Variants in ITIH6 observed in about 807,000 individuals in gnomAD.
ITIH6 encodes inter-alpha-trypsin inhibitor heavy chain H6.
In ITIH6, 60 loss-of-function variants were observed where a neutral mutation model predicts 58.2. The ratio of observed to expected loss-of-function variants is 1.03; its 90% CI spans 0.84 to 1.28. The LOEUF (loss-of-function observed/expected upper bound fraction) is 1.28, where lower values mean the gene tolerates loss of function less well. Among genes scored for constraint, ITIH6 ranks in the 50% most tolerant of loss-of-function variants. ITIH6 has a pLI of 0.00. For synonymous variants in ITIH6, 493 were observed against 417.4 expected, an observed-to-expected ratio of 1.18 and a Z score of -2.21; for missense variants, 1,290 against 1,021.1, an observed-to-expected ratio of 1.26 and a Z score of -3.59.
At chrX:54,764,350 C>G (rs964774911) in intron 6 of ITIH6, among the ~76,000 whole-genome samples, 1 of 107,707 alleles carries the variant, frequency 9.3e-6, no homozygotes, top group African/African-American at 3.4e-5. Context: ...TGCTGGTGGG[C>G]TGCACCCACT....
At chrX:54,769,700 G>T (rs1424621236) in intron 6 of ITIH6, among the ~76,000 whole-genome samples, 1 of 94,954 alleles carries the variant, frequency 1.1e-5, no homozygotes, top group Non-Finnish European at 2.1e-5. Flanking sequence ...CGGGGGTCAG[G>T]GGTCAGGGAC....
At chrX:54,777,086 G>A (rs1486527357) in intron 5 of ITIH6, among the ~76,000 whole-genome samples, 1 of 112,147 alleles carries the variant, frequency 8.9e-6, no homozygotes, top group Non-Finnish European at 1.9e-5. Flanking sequence ...CCTGAAAGGT[G>A]AGGCTAAGGA....
chrX:54,760,242 C>G (rs774423347), intron 6 of ITIH6, among the ~76,000 whole-genome samples: 4 of 111,876 alleles, frequency 3.6e-5, no homozygotes, highest in African/African-American at 1.3e-4. Flanking sequence ...TGTTCAATAG[C>G]CACATGTTGC....
rs139922447 is a variant in ITIH6, at chrX:54,759,187, A to T, written c.1076-189T>A. On this transcript the variant is annotated intron_variant, in intron 7 of 12. Coordinates refer to ENST00000218436, the MANE Select transcript of ITIH6 (RefSeq NM_198510.3). ...GCTGAGATCTGACATTGGGGCCCAC[A>T]TGTCCTTGGCTTTTATCACTCTCTG... Among the ~76,000 whole-genome samples, 150 of 110,258 alleles carry T rather than the reference A, an allele frequency of 1.4e-3. 2 individuals carry two copies. The East Asian group carries it at 0.041, about 30-fold the overall frequency.
intron 6 of ITIH6, among the ~76,000 whole-genome samples, chrX:54,771,489 A>G (rs760941588): frequency 8.9e-6 from 1 of 112,003 alleles, no homozygotes; most frequent in African/African-American, 3.2e-5. Flanking sequence ...AATCAAAGGG[A>G]TTCTTCATTC....
chrX:54,797,101 G>C lies in ITIH6; in HGVS notation c.103-5C>G. 1 of 1,207,076 alleles carries C rather than the reference G, an allele frequency of 8.3e-7. No individual in the cohort carries two copies. Among genetic ancestry groups the C allele is most frequent in the Non-Finnish European group, 1.1e-6 (1 of 892,303 alleles). ...AGAATAGCTTGTCATTAACAACTGAGAGAGAAGACAGGAGGAGGTGTTTTA... is the reference window on the plus strand; with the variant it reads ...AGAATAGCTTGTCATTAACAACTGACAGAGAAGACAGGAGGAGGTGTTTTA... On this transcript the variant is annotated splice_region_variant and splice_polypyrimidine_tract_variant and intron_variant, in intron 1 of 12. Coordinates refer to ENST00000218436, the MANE Select transcript of ITIH6 (RefSeq NM_198510.3).
At chrX:54,759,399 C>T (rs17316505) in intron 7 of ITIH6, among the ~76,000 whole-genome samples, 10,281 of 111,376 alleles carry the variant, frequency 0.092, 525 homozygotes, top group Non-Finnish European at 0.13. Flanking sequence ...TTGTCAGAGA[C>T]GATTGCTTAA....
chrX:54,757,271 G>T lies in ITIH6; in HGVS notation c.2803C>A (p.Leu935Met). Residue 935 changes from leucine (L) to methionine (M), a missense_variant, in exon 8 of 13, where the codon CTG becomes ATG. Transcript: ENST00000218436. ...EPLPMPFTPTLPPGRFWHQYD... is the reference protein window; with the variant it reads ...EPLPMPFTPTMPPGRFWHQYD... ...TGATGCCAGAACCTTCCAGGGGGCA[G>T]AGTGGGAGTAAAGGGCATGGGGAGG... 4.2e-6 allele frequency: 5 copies of T among 1,192,967 alleles called. No individual in the cohort carries two copies. Among genetic ancestry groups the T allele is most frequent in the Non-Finnish European group, 5.6e-6 (5 of 885,846 alleles).
intron 6 of ITIH6, among the ~76,000 whole-genome samples, chrX:54,761,685 T>G (rs1207327826): frequency 2.7e-5 from 3 of 111,282 alleles, no homozygotes; most frequent in African/African-American, 9.8e-5. Context: ...CACCATTTAT[T>G]AAATAGGGAA....
intron 7 of ITIH6, 75 bp from the exon 8 acceptor site, chrX:54,759,073 A>C: frequency 1.3e-6 from 1 of 742,098 alleles, no homozygotes; most frequent in Non-Finnish European, 1.9e-6. Flanking sequence ...TGGGCACCTC[A>C]TCAACTTCCC....
intron 4 of ITIH6, 98 bp downstream of exon 4, chrX:54,790,739 G>C (rs866065038): frequency 4.8e-6 from 5 of 1,048,614 alleles, no homozygotes; most frequent in Middle Eastern, 2.9e-4. Context: ...AGTGAGTACA[G>C]AGCAGAAGTG....
chrX:54,781,116 T>G (rs1480645099), intron 5 of ITIH6, among the ~76,000 whole-genome samples: 1 of 111,393 alleles, frequency 9.0e-6, no homozygotes, highest in Non-Finnish European at 1.9e-5. Context: ...AACTTAAACG[T>G]AAAACCCAAA....
At chrX:54,771,606 C>T (rs967671202) in intron 6 of ITIH6, among the ~76,000 whole-genome samples, 4 of 111,568 alleles carry the variant, frequency 3.6e-5, no homozygotes, top group Non-Finnish European at 7.5e-5. Context: ...GCACTCTATC[C>T]ATTAGTGCCC....
At chrX:54,759,983 TGAAAG>T (rs1928602366) in intron 6 of ITIH6, 56 bp from the exon 7 acceptor site, 1 of 995,066 alleles carries the variant, frequency 1.0e-6, no homozygotes, top group Non-Finnish European at 1.4e-6. Context: ...TCTATGAGAT[TGAAAG>T]GCTTTTTCTA....
chrX:54,767,835 T>C (rs1369102443), intron 6 of ITIH6, among the ~76,000 whole-genome samples: 1 of 81,860 alleles, frequency 1.2e-5, no homozygotes, highest in Non-Finnish European at 2.2e-5. Context: ...TTGGAATAGG[T>C]GTGGTGTGGT....
chrX:54,760,598 C>T (rs183788646), intron 6 of ITIH6, among the ~76,000 whole-genome samples: 2 of 111,409 alleles, frequency 1.8e-5, no homozygotes, highest in Admixed American at 1.9e-4. Context: ...CCGCCCCATG[C>T]TACAACAGGC....
intron 5 of ITIH6, among the ~76,000 whole-genome samples, chrX:54,775,696 C>T (rs748058025): frequency 5.7e-4 from 64 of 111,740 alleles, no homozygotes; most frequent in African/African-American, 2.0e-3. Flanking sequence ...CCTCTTTTTT[C>T]CCTGAAGCAT....
In ITIH6 at chrX:54,788,674, C is replaced by T. The variant is rs190816972; in HGVS notation, c.617-25G>A. The stretch of plus-strand genomic sequence containing the variant: ...CCTGTATGGGTGGGGAGGATCGGGG[C>T]GGGGTGGTACAGAGGACTCGCAAGA... On this transcript the variant is annotated intron_variant, in intron 4 of 12. Transcript: ENST00000218436. The T allele has an allele frequency of 6.1e-6, 7 of 1,147,830 alleles. No individual in the cohort carries two copies. In the Admixed American group the frequency reaches 6.7e-5, roughly 11 times the overall value. 94.6% of individuals were successfully genotyped at this position (1,147,830 alleles called of 1,213,427 possible).
At chrX:54,764,480 A>AT (rs1290318088) in intron 6 of ITIH6, among the ~76,000 whole-genome samples, 3 of 107,015 alleles carry the variant, frequency 2.8e-5, no homozygotes, top group African/African-American at 1.0e-4. Context: ...TCATTGTTCA[A>AT]TTCCCACCTA....
Sources: allele counts gnomAD v4.1 joint callset (sites outside exome capture counted in the v4.1 genomes callset), GRCh38; gene constraint gnomAD v4.1.1; transcripts MANE v1.5; gene names NCBI Gene and HGNC (gene_info 2026-07-23, HGNC 2026-07-21).